THAP4: variants seen among roughly 807,000 people sequenced by gnomAD.
THAP4 encodes peroxynitrite isomerase THAP4.
In THAP4, 18 loss-of-function variants were observed where a neutral mutation model predicts 48.1. The ratio of observed to expected loss-of-function variants is 0.37; its 90% CI spans 0.26 to 0.56. The LOEUF is 0.56. Ranked by LOEUF, THAP4 falls within the 20% of genes least tolerant of loss-of-function variation. The pLI is 0.78. For missense variants in THAP4, 656 were observed against 774.9 expected (o/e 0.85, Z 1.82); for synonymous variants, 345 against 324.9 (o/e 1.06, Z -0.66).
At chr2:241,631,198 C>G (rs1199936395) in intron 2 of THAP4, among the ~76,000 whole-genome samples, 1 of 152,206 alleles carries the variant, frequency 6.6e-6, no homozygotes, top group Non-Finnish European at 1.5e-5. Flanking sequence ...GAGAACATGT[C>G]GGATGGGCTT....
At chr2:241,617,863 T>TC (rs879585380) in intron 2 of THAP4, among the ~76,000 whole-genome samples, 5 of 152,136 alleles carry the variant, frequency 3.3e-5, no homozygotes, top group Admixed American at 3.3e-4. Flanking sequence ...AGACTCATCT[T>TC]CACCTGGACA....
At chr2:241,585,558 C>T (rs1281863165) in intron 5 of THAP4, among the ~76,000 whole-genome samples, 1 of 152,074 alleles carries the variant, frequency 6.6e-6, no homozygotes, top group African/African-American at 2.4e-5. Context: ...GGACCAGCAC[C>T]CCAAAGAGAA....
intron 5 of THAP4, among the ~76,000 whole-genome samples, chr2:241,586,002 T>C (rs1575013768): frequency 6.9e-6 from 1 of 145,720 alleles, no homozygotes; most frequent in African/African-American, 2.6e-5. Flanking sequence ...ACGCCTGTAA[T>C]CCCAGCACTT....
chr2:241,612,176 A>G lies in THAP4; in HGVS notation c.1241-5703T>C, dbSNP rs1266037035. On this transcript the variant is annotated intron_variant, in intron 2 of 5. Transcript: ENST00000407315. This position sits in a 1 kb window ranked among gnomAD's most constrained non-coding sequence, Gnocchi z 4.1. The stretch of plus-strand genomic sequence containing the variant: ...AAGAAAAAAAATCAAGCCACCACCC[A>G]AATGAAGTGGAGATTGGAAGCAGCA... Among the ~76,000 whole-genome samples the G allele has an allele frequency of 6.6e-6, 1 of 152,206 alleles. No individual in the cohort carries two copies. The highest frequency in any genetic ancestry group is 1.5e-5 in the Non-Finnish European group (1 of 68,028).
intron 2 of THAP4, among the ~76,000 whole-genome samples, chr2:241,628,666 ATTT>A: frequency 7.0e-6 from 1 of 142,818 alleles, no homozygotes; most frequent in East Asian, 2.1e-4. Context: ...CTGGAATAGG[ATTT>A]TTTTTTTTTA....
At chr2:241,636,672 C>A (rs905134183) in intron 1 of THAP4, among the ~76,000 whole-genome samples, 1 of 152,142 alleles carries the variant, frequency 6.6e-6, no homozygotes, top group African/African-American at 2.4e-5. Context: ...GCTTCCAGAG[C>A]GTGCGGCTTC....
intron 2 of THAP4, among the ~76,000 whole-genome samples, chr2:241,617,997 CTT>C (rs527331774): frequency 2.6e-5 from 4 of 152,234 alleles, no homozygotes; most frequent in Non-Finnish European, 5.9e-5. Flanking sequence ...CCTCACATCT[CTT>C]TGTGTTAGTG....
At position 241,590,579 on chromosome 2, in the gene THAP4, G is replaced by A. The variant is rs1322077054; in HGVS notation, c.1615-5854C>T. On this transcript the variant is annotated intron_variant, in intron 5 of 5. Transcript: ENST00000407315. ...CAGAACTGCCCGGCTGATGATGAGG[G>A]GCACTAGGACACTCAGAGCTGCTCG... is the stretch of plus-strand genomic sequence containing the variant. Among the ~76,000 whole-genome samples the A allele has an allele frequency of 2.1e-3, 308 of 145,546 alleles. 1 individual carries two copies. Among genetic ancestry groups the A allele is most frequent in the African/African-American group, 7.6e-3 (293 of 38,382 alleles).
rs760419697 is a variant in THAP4 at position 241,633,241 on chromosome 2, C to T, written c.916G>A (p.Asp306Asn). The change falls in exon 2 of 6, where the codon GAC becomes AAC. Residue 306 changes from aspartate to asparagine, a missense_variant. This residue lies in a region of THAP4 where 391 missense variants were observed against 412.4 expected (regional missense o/e 0.95). Coordinates refer to ENST00000407315, the MANE Select transcript of THAP4 (RefSeq NM_015963.6). The surrounding 1 kb of genome is among the most constrained non-coding windows in gnomAD (Gnocchi z 7.5). ...TCCGTGGCTGGCTTTGGGGTGACGT[C>T]GGCAGGAGGGGCAGAGGGGCTCTGG... ...PSQSPSAPPA[D>N]VTPKPATEAV... 1.2e-5 allele frequency: 20 copies of T among 1,609,444 alleles called. No individual in the cohort carries two copies. The highest frequency in any genetic ancestry group is 4.4e-5 in the South Asian group (4 of 90,914).
rs554236341 is a variant in THAP4 at position 241,595,948 on chromosome 2, G to T, written c.1614+5948C>A. 7.9e-5 allele frequency among the ~76,000 whole-genome samples: 12 copies of T among 152,336 alleles called. No individual in the cohort carries two copies. The South Asian group carries it at 2.5e-3, about 32-fold the overall frequency. On this transcript the variant is annotated intron_variant, in intron 5 of 5. Coordinates refer to ENST00000407315, the MANE Select transcript of THAP4 (RefSeq NM_015963.6). Reference sequence around the variant, plus strand: ...TTCACTCCTGTCGCTACAATGCGATGCTGGGCAATGGAGCGCGTCCCGTGG... The same window carrying T: ...TTCACTCCTGTCGCTACAATGCGATTCTGGGCAATGGAGCGCGTCCCGTGG...
intron 5 of THAP4, among the ~76,000 whole-genome samples, chr2:241,600,989 G>A (rs570890292): frequency 2.0e-5 from 3 of 151,036 alleles, no homozygotes; most frequent in Non-Finnish European, 4.4e-5. Context: ...AAAAAAAAAG[G>A]ACAATCTGGC....
At chr2:241,586,260 AG>A (rs1290111512) in intron 5 of THAP4, among the ~76,000 whole-genome samples, 1 of 109,838 alleles carries the variant, frequency 9.1e-6, no homozygotes, top group Non-Finnish European at 1.8e-5. Flanking sequence ...CCATCTGAAG[AG>A]GAAAAAAAAA....
intron 2 of THAP4, among the ~76,000 whole-genome samples, chr2:241,615,730 C>T (rs2067331901): frequency 6.6e-6 from 1 of 152,370 alleles, no homozygotes; most frequent in Non-Finnish European, 1.5e-5. Flanking sequence ...ACACAGCGCC[C>T]TGCCCGGTGC....
At chr2:241,611,316 G>A (rs982739055) in intron 2 of THAP4, among the ~76,000 whole-genome samples, 58 of 152,178 alleles carry the variant, frequency 3.8e-4, no homozygotes, top group Non-Finnish European at 1.5e-5. Context: ...GGCACCCCAC[G>A]CGTCTGCCCA....
chr2:241,631,806 G>A (rs771146219), intron 2 of THAP4, among the ~76,000 whole-genome samples: 10 of 152,114 alleles, frequency 6.6e-5, no homozygotes, highest in Non-Finnish European at 1.5e-4. Context: ...TAGAACTTGG[G>A]AGGTGGATGA....
At chr2:241,592,848 G>T (rs1490313982) in intron 5 of THAP4, among the ~76,000 whole-genome samples, 1 of 152,228 alleles carries the variant, frequency 6.6e-6, no homozygotes, top group Non-Finnish European at 1.5e-5. Context: ...GGGCCACAGT[G>T]CCTAACAAGG....
chr2:241,636,924 G>T lies in THAP4; in HGVS notation c.77+17C>A. 8.1e-7 allele frequency: 1 copy of T among 1,232,304 alleles called. No individual in the cohort carries two copies. The highest frequency in any genetic ancestry group is 1.0e-6 in the Non-Finnish European group (1 of 962,208). 76.3% of individuals were successfully genotyped at this position (1,232,304 alleles called of 1,614,324 possible). A position where few individuals can be genotyped will look rare whatever the true frequency, so the allele number is the denominator to read the frequency against. On this transcript the variant is annotated intron_variant, in intron 1 of 5. Transcript: ENST00000407315. ...GCCGGGTCGGGGCGGGGGCGTGGCG[G>T]CCCGGGGCCCGCGTACCTGTGGAAG...
Position 241,610,696 on chromosome 2 carries a change from A to C in THAP4, c.1241-4223T>G, listed in dbSNP as rs1030643770. ...CCCTGGTCTTTCCCTCCCACCACCCACCGTGGAGTCCTCTCCGGGAGGCCC... is the reference window on the plus strand; with the variant it reads ...CCCTGGTCTTTCCCTCCCACCACCCCCCGTGGAGTCCTCTCCGGGAGGCCC... On this transcript the variant is annotated intron_variant, in intron 2 of 5. Coordinates refer to ENST00000407315, the MANE Select transcript of THAP4 (RefSeq NM_015963.6). The surrounding 1 kb of genome is among the most constrained non-coding windows in gnomAD (Gnocchi z 4.2). Among the ~76,000 whole-genome samples the C allele has an allele frequency of 1.3e-5, 2 of 150,430 alleles. No individual in the cohort carries two copies. Among genetic ancestry groups the C allele is most frequent in the Admixed American group, 1.3e-4 (2 of 15,136 alleles).
intron 2 of THAP4, among the ~76,000 whole-genome samples, chr2:241,615,397 A>T (rs981761092): frequency 3.3e-5 from 5 of 152,220 alleles, no homozygotes; most frequent in Non-Finnish European, 7.3e-5. Context: ...CAGAAAACTT[A>T]AAAAAACTAA....
Sources: allele counts gnomAD v4.1 joint callset (sites outside exome capture counted in the v4.1 genomes callset), GRCh38; gene constraint gnomAD v4.1.1; regional missense constraint gnomAD v4.1.1; non-coding constraint Gnocchi (gnomAD v3.1); transcripts MANE v1.5; gene names NCBI Gene and HGNC (gene_info 2026-07-23, HGNC 2026-07-21).